BLTP3A: variants seen among roughly 807,000 people sequenced by gnomAD.
BLTP3A encodes bridge-like lipid transfer protein family member 3A.
chr6:34,874,937 C>T, the BLTP3A span: 1 of 152,346 alleles, frequency 6.6e-6, no homozygotes, highest in Non-Finnish European at 1.5e-5. Context: ...TATGAGGACA[C>T]ATTTTTAAAA....
At chr6:34,824,419 G>A in the BLTP3A span, among the ~76,000 whole-genome samples, 2 of 151,212 alleles carry the variant, frequency 1.3e-5, no homozygotes, top group East Asian at 2.0e-4. Context: ...TTAGCCGGGC[G>A]TGGTGGCGGG....
the BLTP3A span, chr6:34,834,589 T>C: frequency 7.2e-7 from 1 of 1,384,898 alleles, no homozygotes; most frequent in African/African-American, 1.4e-5. Context: ...CCCAATTCAC[T>C]GCTTTTTCTT....
At chr6:34,873,946 C>T in the BLTP3A span, 1 of 152,256 alleles carries the variant, frequency 6.6e-6, no homozygotes, top group African/African-American at 2.4e-5. Context: ...ATGTATTCAC[C>T]AAGGAACAGG....
chr6:34,794,590 G>A, the BLTP3A span, among the ~76,000 whole-genome samples: 4 of 152,136 alleles, frequency 2.6e-5, no homozygotes, highest in African/African-American at 4.8e-5. Flanking sequence ...ATCCCTCAAG[G>A]CATCTTGGAA....
chr6:34,868,449 G>A, the BLTP3A span, among the ~76,000 whole-genome samples: 1 of 151,526 alleles, frequency 6.6e-6, no homozygotes, highest in Admixed American at 6.6e-5. Context: ...CAGGCTGGGT[G>A]TGGTGGCTCA....
the BLTP3A span, chr6:34,871,938 C>T: frequency 6.2e-7 from 1 of 1,611,458 alleles, no homozygotes; most frequent in Non-Finnish European, 8.5e-7. Flanking sequence ...GAGGACCTAA[C>T]AGAACAGTAG....
chr6:34,801,162 A>G, the BLTP3A span, among the ~76,000 whole-genome samples: 3 of 152,218 alleles, frequency 2.0e-5, no homozygotes, highest in South Asian at 6.2e-4. Context: ...ATTCCAGCCT[A>G]TCATTTTAAA....
At chr6:34,871,453 C>A in the BLTP3A span, 2 of 883,380 alleles carry the variant, frequency 2.3e-6, no homozygotes, top group South Asian at 1.6e-5. Flanking sequence ...TCTGCCATGC[C>A]TCTTATACCT....
chr6:34,834,257 A>G, the BLTP3A span: 2 of 1,613,918 alleles, frequency 1.2e-6, no homozygotes, highest in Non-Finnish European at 1.7e-6. Flanking sequence ...AGGGATGTTC[A>G]TCATTGTCAA....
At chr6:34,856,838 A>G in the BLTP3A span, 1 of 1,614,004 alleles carries the variant, frequency 6.2e-7, no homozygotes, top group African/African-American at 1.3e-5. Flanking sequence ...AGCCCCTCTC[A>G]GGGCAGACAG....
chr6:34,809,470 A>G, the BLTP3A span, among the ~76,000 whole-genome samples: 1 of 152,214 alleles, frequency 6.6e-6, no homozygotes. Flanking sequence ...TGACCCTTGA[A>G]CAGTAGTGGA....
chr6:34,833,920 CAAAAAAA>C, the BLTP3A span, among the ~76,000 whole-genome samples: 16 of 45,066 alleles, frequency 3.6e-4, no homozygotes, highest in South Asian at 9.1e-4. Flanking sequence ...GACTCCGTCT[CAAAAAAA>C]AAAAAAAAAA....
chr6:34,826,730 T>C, the BLTP3A span, among the ~76,000 whole-genome samples: 1 of 152,186 alleles, frequency 6.6e-6, no homozygotes, highest in Non-Finnish European at 1.5e-5. Flanking sequence ...TTCTTCTTGA[T>C]GTTCATATCT....
the BLTP3A span, among the ~76,000 whole-genome samples, chr6:34,827,040 C>T: frequency 6.6e-6 from 1 of 152,136 alleles, no homozygotes; most frequent in South Asian, 2.1e-4. Flanking sequence ...AGGCCGGGCT[C>T]AGTGGCTCAC....
the BLTP3A span, chr6:34,836,353 C>T: frequency 6.2e-7 from 1 of 1,613,196 alleles, no homozygotes; most frequent in Non-Finnish European, 8.5e-7. Context: ...AGCCAGGTAC[C>T]CCATGAGGCC....
the BLTP3A span, among the ~76,000 whole-genome samples, chr6:34,838,695 A>C: frequency 6.6e-6 from 1 of 152,244 alleles, no homozygotes; most frequent in African/African-American, 2.4e-5. Flanking sequence ...CTGCAATCTC[A>C]GAACTTTGGA....
the BLTP3A span, among the ~76,000 whole-genome samples, chr6:34,852,733 G>C: frequency 1.3e-5 from 2 of 151,752 alleles, no homozygotes; most frequent in East Asian, 3.9e-4. Context: ...CATAGCACCA[G>C]TAGTTGCTCA....
the BLTP3A span, chr6:34,821,468 C>T: frequency 1.7e-6 from 1 of 586,334 alleles, no homozygotes. Context: ...GCAGTGTTTA[C>T]AACTAATTGA....
chr6:34,848,624 A>C, the BLTP3A span, among the ~76,000 whole-genome samples: 1,096 of 151,356 alleles, frequency 7.2e-3, 21 homozygotes, highest in African/African-American at 0.025. Context: ...AAAAAAATAC[A>C]TAGCTATTCC....
Sources: gnomAD v4.1 joint callset for allele counts (sites outside exome capture counted in the v4.1 genomes callset) on GRCh38, gnomAD v4.1.1 for gene constraint, MANE v1.5 for transcripts, NCBI Gene and HGNC (gene_info 2026-07-23, HGNC 2026-07-21) for gene names.